BCL11B: variants seen among roughly 807,000 people sequenced by gnomAD.
BCL11B encodes B-cell lymphoma/leukemia 11B.
A neutral mutation model predicts 49.9 loss-of-function variants in BCL11B; 8 were observed. That is an observed-to-expected ratio of 0.16 (90% CI 0.09 to 0.29). The LOEUF (loss-of-function observed/expected upper bound fraction) is 0.29, where lower values mean the gene tolerates loss of function less well. Among genes scored for constraint, BCL11B ranks in the 10% least tolerant of loss-of-function variants. The pLI, the probability that BCL11B is intolerant of heterozygous loss-of-function variation, is 1.00. For missense variants in BCL11B, 1,006 were observed against 1,351.0 expected, an observed-to-expected ratio of 0.74 and a Z score of 4.00; for synonymous variants, 739 against 637.4, an observed-to-expected ratio of 1.16 and a Z score of -2.40.
At chr14:99,260,043 A>G (rs1247723790) in intron 1 of BCL11B, among the ~76,000 whole-genome samples, 1 of 152,242 alleles carries the variant, frequency 6.6e-6, no homozygotes, top group Non-Finnish European at 1.5e-5. Context: ...CTGTAAAAAC[A>G]GTTCTTTAGA....
chr14:99,261,061 G>A (rs895683781), intron 1 of BCL11B, among the ~76,000 whole-genome samples: 6 of 152,282 alleles, frequency 3.9e-5, no homozygotes, highest in South Asian at 2.1e-4. Context: ...TCCAAAGAAC[G>A]GGGTTTCCTC....
At position 99,231,082 on chromosome 14, in the gene BCL11B, A is replaced by G. The variant is rs187703546; in HGVS notation, c.640+263T>C. Among the ~76,000 whole-genome samples the G allele has an allele frequency of 4.3e-3, 661 of 152,244 alleles. 4 individuals carry two copies. The highest frequency in any genetic ancestry group is 0.015 in the African/African-American group (624 of 41,560). Reference sequence around the variant, plus strand: ...AAGCTGTCGCTAAACAACCCAAAGAAGCGGGATTGGGAGGCTGGGGAATGC... The same window carrying G: ...AAGCTGTCGCTAAACAACCCAAAGAGGCGGGATTGGGAGGCTGGGGAATGC... On this transcript the variant is annotated intron_variant, in intron 3 of 3. Transcript: ENST00000357195. The surrounding 1 kb of genome is among the most constrained non-coding windows in gnomAD (Gnocchi z 8.1).
chr14:99,223,809 G>A lies in BCL11B; in HGVS notation c.640+7536C>T, dbSNP rs75945231. Among the ~76,000 whole-genome samples the A allele has an allele frequency of 5.4e-3, 817 of 152,306 alleles. 3 individuals are homozygous for A. The highest frequency in any genetic ancestry group is 0.01 in the Non-Finnish European group (682 of 68,030). ...GGTACCCCCCACCTCTCAGCAATGC[G>A]ACCACAAGGACAAGCTGTCCTCAGG... On this transcript the variant is annotated intron_variant, in intron 3 of 3. Transcript: ENST00000357195.
intron 3 of BCL11B, among the ~76,000 whole-genome samples, chr14:99,198,302 C>T (rs901112313): frequency 6.6e-6 from 1 of 152,210 alleles, no homozygotes; most frequent in Admixed American, 6.5e-5. Context: ...GTCAATGTTT[C>T]CTTTCGGTCC....
At position 99,213,818 on chromosome 14, in the gene BCL11B, C is replaced by A. The variant is rs1483289028; in HGVS notation, c.640+17527G>T. Among the ~76,000 whole-genome samples the A allele has an allele frequency of 1.3e-5, 2 of 152,170 alleles. No individual in the cohort carries two copies. The highest frequency in any genetic ancestry group is 2.9e-5 in the Non-Finnish European group (2 of 68,026). On this transcript the variant is annotated intron_variant, in intron 3 of 3. Transcript: ENST00000357195. This position sits in a 1 kb window ranked among gnomAD's most constrained non-coding sequence, Gnocchi z 5.1. ...AAGGCACAGGGGCCCCTGGCAAGGG[C>A]CCCCCGAGGGGCTGCCCCGTGCGCC...
At position 99,271,314 on chromosome 14, in the gene BCL11B, T is replaced by TGCCGCCGCTGCC. The variant is rs895619106; in HGVS notation, c.-97_-96insGGCAGCGGCGGC. The TGCCGCCGCTGCC allele has an allele frequency of 3.3e-5, 28 of 849,262 alleles. No homozygotes were observed. Among genetic ancestry groups the TGCCGCCGCTGCC allele is most frequent in the Admixed American group, 2.4e-4 (5 of 20,976 alleles). The allele number at this position is 849,262 out of a possible 1,614,324, so 52.6% of individuals were successfully genotyped here. ...GCCGCCGCCGCGCCGCTGCCGCCGCTGCCGCCGCCGCCGCCGCCGCCGCAC... is the reference window on the plus strand; with the variant it reads ...GCCGCCGCCGCGCCGCTGCCGCCGCTGCCGCCGCTGCCGCCGCCGCCGCCGCCGCCGCCGCAC... On this transcript the variant is annotated 5_prime_UTR_variant, in exon 1 of 4. Coordinates refer to ENST00000357195, the MANE Select transcript of BCL11B (RefSeq NM_138576.4).
intron 1 of BCL11B, 136 bp downstream of exon 1, chr14:99,271,025 C>T: frequency 6.6e-6 from 6 of 910,848 alleles, no homozygotes; most frequent in South Asian, 6.2e-5. Context: ...TGCTCCAGGC[C>T]GACGCCGTAG....
At chr14:99,230,307 C>T in intron 3 of BCL11B, among the ~76,000 whole-genome samples, 1 of 152,222 alleles carries the variant, frequency 6.6e-6, no homozygotes, top group South Asian at 2.1e-4. Flanking sequence ...TTTCCTTTCA[C>T]AATTCAAGTC....
chr14:99,187,727 T>C (rs1259851980), intron 3 of BCL11B, among the ~76,000 whole-genome samples: 1 of 151,148 alleles, frequency 6.6e-6, no homozygotes, highest in African/African-American at 2.4e-5. Flanking sequence ...TGTAGCTGTT[T>C]CTCACTCACA....
intron 2 of BCL11B, among the ~76,000 whole-genome samples, chr14:99,238,586 G>C (rs908112294): frequency 6.6e-6 from 1 of 152,152 alleles, no homozygotes; most frequent in Non-Finnish European, 1.5e-5. Flanking sequence ...GTGAACCACG[G>C]AGGTGGAGGG....
intron 3 of BCL11B, among the ~76,000 whole-genome samples, chr14:99,207,895 A>G (rs1185922361): frequency 6.6e-6 from 1 of 152,106 alleles, no homozygotes; most frequent in Non-Finnish European, 1.5e-5. Flanking sequence ...ATCCACCTGG[A>G]ACTGAGCTCC....
chr14:99,211,365 A>G (rs1157570842), intron 3 of BCL11B, among the ~76,000 whole-genome samples: 1 of 152,168 alleles, frequency 6.6e-6, no homozygotes, highest in African/African-American at 2.4e-5. Context: ...GGGCAGAGTC[A>G]TGTACTTGGG....
chr14:99,174,379 G>A lies in BCL11B; in HGVS notation c.2457C>T (p.Thr819=). The A allele has an allele frequency of 6.2e-7, 1 of 1,613,492 alleles. No homozygotes were observed. The highest frequency in any genetic ancestry group is 8.5e-7 in the Non-Finnish European group (1 of 1,179,924). The change falls in exon 4 of 4, where the codon ACC becomes ACT. Residue 819 remains threonine, a synonymous_variant. Coordinates refer to ENST00000357195, the MANE Select transcript of BCL11B (RefSeq NM_138576.4). ...SNLTVHRRSH[T]GERPYKCELC... Reference sequence around the variant, plus strand: ...GCTCGCACTTGTAAGGCCGCTCGCCGGTGTGGCTCCGCCGGTGCACCGTCA... The same window carrying A: ...GCTCGCACTTGTAAGGCCGCTCGCCAGTGTGGCTCCGCCGGTGCACCGTCA...
At chr14:99,206,678 C>T (rs1016161790) in intron 3 of BCL11B, among the ~76,000 whole-genome samples, 3 of 152,240 alleles carry the variant, frequency 2.0e-5, no homozygotes, top group African/African-American at 7.2e-5. Context: ...GGCAATGATG[C>T]TGGCATATTG....
intron 3 of BCL11B, among the ~76,000 whole-genome samples, chr14:99,202,643 G>A (rs1379127347): frequency 2.6e-5 from 4 of 152,322 alleles, no homozygotes; most frequent in Admixed American, 2.0e-4. Context: ...ACAGAGCCCT[G>A]GGGAGAGAGC....
At chr14:99,219,340 T>A (rs1356526542) in intron 3 of BCL11B, among the ~76,000 whole-genome samples, 5 of 152,172 alleles carry the variant, frequency 3.3e-5, no homozygotes, top group Non-Finnish European at 5.9e-5. Context: ...GACCACAGAA[T>A]CAATTTCTTA....
In BCL11B at chr14:99,195,102, C is replaced by T. The variant is rs1225497446; in HGVS notation, c.641-18907G>A. Among the ~76,000 whole-genome samples the T allele has an allele frequency of 1.3e-5, 2 of 152,140 alleles. No individual in the cohort carries two copies. Among genetic ancestry groups the T allele is most frequent in the Non-Finnish European group, 2.9e-5 (2 of 68,008 alleles). On this transcript the variant is annotated intron_variant, in intron 3 of 3. Coordinates refer to ENST00000357195, the MANE Select transcript of BCL11B (RefSeq NM_138576.4). This position sits in a 1 kb window ranked among gnomAD's most constrained non-coding sequence, Gnocchi z 4.7. ...TCGCACAGCCCAAGGATGAGGCTGG[C>T]GCAGGAACTCGAGCCTTCAGACTCC...
chr14:99,169,363 AAATGAAATG>A lies in BCL11B; in HGVS notation c.*4779_*4787del. On this transcript the variant is annotated 3_prime_UTR_variant, in exon 4 of 4. Transcript: ENST00000357195. ...CAAACTTGGTTTTGAACAAGCGTAC[AAATGAAATG>A]GCAGACACATGCTGAACTCAACATT... is the stretch of plus-strand genomic sequence containing the variant. 5.1e-6 allele frequency: 1 copy of A among 194,574 alleles called. No individual in the cohort carries two copies. Among genetic ancestry groups the A allele is most frequent in the Non-Finnish European group, 1.1e-5 (1 of 93,150 alleles). The allele number at this position is 194,574 out of a possible 1,614,324, so 12.1% of individuals were successfully genotyped here.
intron 3 of BCL11B, among the ~76,000 whole-genome samples, chr14:99,196,979 T>A (rs1191027612): frequency 2.0e-5 from 3 of 152,196 alleles, no homozygotes; most frequent in African/African-American, 4.8e-5. Context: ...GAACCTTCCA[T>A]GTTCTGGTTC....
Sources: allele counts gnomAD v4.1 joint callset (sites outside exome capture counted in the v4.1 genomes callset), GRCh38; gene constraint gnomAD v4.1.1; non-coding constraint Gnocchi (gnomAD v3.1); transcripts MANE v1.5; gene names NCBI Gene and HGNC (gene_info 2026-07-23, HGNC 2026-07-21).